GJC1: variants seen among roughly 807,000 people sequenced by gnomAD.
GJC1 encodes gap junction protein gamma 1.
GJC1 carries 5 observed loss-of-function variants against 29.3 expected under a neutral mutation model. The observed-to-expected ratio is 0.17, with a 90% CI of 0.09 to 0.36. GJC1 has a LOEUF of 0.36. GJC1 is among the 10% of genes least tolerant of loss of function. GJC1 has a pLI of 1.00. For synonymous variants in GJC1, 177 were observed against 183.3 expected (o/e 0.97, Z 0.28); for missense variants, 310 against 496.2 (o/e 0.62, Z 3.56).
chr17:44,796,868 G>T (rs552836934), downstream of GJC1, among the ~76,000 whole-genome samples: 9 of 151,994 alleles, frequency 5.9e-5, no homozygotes, highest in Admixed American at 5.2e-4. Context: ...GACAGACAGG[G>T]TCTCGCTCTT....
In GJC1 at chr17:44,798,681, TC is replaced by T. The variant is rs1597734924; in HGVS notation, c.*5945del. 1 of 152,244 alleles carries T rather than the reference TC, an allele frequency of 6.6e-6. No homozygotes were observed. Among genetic ancestry groups the T allele is most frequent in the Non-Finnish European group, 1.5e-5 (1 of 68,046 alleles). The allele number at this position is 152,244 out of a possible 1,614,324, so 9.4% of individuals were successfully genotyped here. ...ACCATTTAATTTTACATTTAAATTATCTTAAAAGGCTGGAAGTCCTAGCTAA... is the reference window on the plus strand; with the variant it reads ...ACCATTTAATTTTACATTTAAATTATTTAAAAGGCTGGAAGTCCTAGCTAA... On this transcript the variant is annotated 3_prime_UTR_variant, in exon 3 of 3. Coordinates refer to ENST00000592524, the MANE Select transcript of GJC1 (RefSeq NM_005497.4).
chr17:44,798,019 G>A (rs534073730), downstream of GJC1, among the ~76,000 whole-genome samples: 1 of 152,232 alleles, frequency 6.6e-6, no homozygotes, highest in South Asian at 2.1e-4. Context: ...TGCCGCAAAG[G>A]GTCCCTTGCA....
rs1285489454 is a variant in GJC1 at position 44,801,326 on chromosome 17, C to T, written c.*3301G>A. On this transcript the variant is annotated 3_prime_UTR_variant, in exon 3 of 3. Transcript: ENST00000592524. The stretch of plus-strand genomic sequence containing the variant: ...AAGGACACACCACATCTGCATAAAT[C>T]CAAGTGTGTTAAGGAACATAATCAT... 7 of 152,086 alleles carry T rather than the reference C, an allele frequency of 4.6e-5. No individual in the cohort carries two copies. The highest frequency in any genetic ancestry group is 8.8e-5 in the Non-Finnish European group (6 of 68,028). 9.4% of individuals were successfully genotyped at this position (152,086 alleles called of 1,614,324 possible). A position where few individuals can be genotyped will look rare whatever the true frequency, so the allele number is the denominator to read the frequency against.
At position 44,821,067 on chromosome 17, in the gene GJC1, T is replaced by C. The variant is rs142661862; in HGVS notation, c.-97+8995A>G. ...TTGAGATCTTGGCTGTATCAACCAATGAGGAAACAAAAAGCACCATTGTGG... is the reference window on the plus strand; with the variant it reads ...TTGAGATCTTGGCTGTATCAACCAACGAGGAAACAAAAAGCACCATTGTGG... On this transcript the variant is annotated intron_variant, in intron 1 of 2. Transcript: ENST00000592524. Among the ~76,000 whole-genome samples, 533 of 152,288 alleles carry C rather than the reference T, an allele frequency of 3.5e-3. 2 individuals are homozygous for C. Among genetic ancestry groups the C allele is most frequent in the African/African-American group, 0.012 (508 of 41,572 alleles).
In GJC1 at chr17:44,813,785, G is replaced by A. The variant is rs186816691; in HGVS notation, c.-96-6316C>T. ...TAAGATTACAGGCGTGAGTCACCACGCCCGGCCACAAGTTACCCATTCTTA... is the reference window on the plus strand; with the variant it reads ...TAAGATTACAGGCGTGAGTCACCACACCCGGCCACAAGTTACCCATTCTTA... On this transcript the variant is annotated intron_variant, in intron 1 of 2. Coordinates refer to ENST00000592524, the MANE Select transcript of GJC1 (RefSeq NM_005497.4). 3.6e-3 allele frequency among the ~76,000 whole-genome samples: 548 copies of A among 151,874 alleles called. 1 individual carries two copies. The highest frequency in any genetic ancestry group is 0.013 in the African/African-American group (533 of 41,396).
upstream of GJC1, among the ~76,000 whole-genome samples, chr17:44,831,346 G>C (rs954979167): frequency 6.6e-6 from 1 of 152,184 alleles, no homozygotes; most frequent in African/African-American, 2.4e-5. Context: ...CTTACTTTGA[G>C]CTTCTCTTTT....
At chr17:44,816,195 C>A (rs1490980731) in intron 1 of GJC1, among the ~76,000 whole-genome samples, 3 of 151,500 alleles carry the variant, frequency 2.0e-5, no homozygotes, top group Non-Finnish European at 4.4e-5. Context: ...CATGGTAGCC[C>A]ATAATTCAAA....
At chr17:44,821,697 C>CAAAAAAAAAAAAAAAAAAAAAA (rs61303163) in intron 1 of GJC1, among the ~76,000 whole-genome samples, 5 of 58,356 alleles carry the variant, frequency 8.6e-5, no homozygotes, top group South Asian at 7.6e-4. Context: ...AACTCCGTCT[C>CAAAAAAAAAAAAAAAAAAAAAA]AAAAAAAAAA....
Position 44,804,809 on chromosome 17 carries a change from C to G in GJC1, c.1009G>C (p.Ala337Pro). 6.2e-7 allele frequency: 1 copy of G among 1,614,214 alleles called. No individual in the cohort carries two copies. Among genetic ancestry groups the G allele is most frequent in the Non-Finnish European group, 8.5e-7 (1 of 1,180,032 alleles). Reference sequence around the variant, plus strand: ...GCCATCCTGATCTCCCGCTGCAGAGCCTCCAGGTCAGCTGGGAGGTTCTCC... The same window carrying G: ...GCCATCCTGATCTCCCGCTGCAGAGGCTCCAGGTCAGCTGGGAGGTTCTCC... Reference protein sequence around the residue: ...HEENLPADLEALQREIRMAQE... With the variant: ...HEENLPADLEPLQREIRMAQE... Residue 337 changes from alanine (A) to proline (P), a missense_variant, in exon 3 of 3, where the codon GCT becomes CCT. Transcript: ENST00000592524.
chr17:44,808,245 C>G (rs1597744162), intron 1 of GJC1, among the ~76,000 whole-genome samples: 1 of 150,956 alleles, frequency 6.6e-6, no homozygotes, highest in Non-Finnish European at 1.5e-5. Context: ...AAAACTGGAA[C>G]AATTTCCAAA....
rs909935213 is a variant in GJC1 at position 44,803,273 on chromosome 17, C to T, written c.*1354G>A. 1 of 152,182 alleles carries T rather than the reference C, an allele frequency of 6.6e-6. No individual in the cohort carries two copies. 9.4% of individuals were successfully genotyped at this position (152,182 alleles called of 1,614,324 possible). ...CCTTTAAACCTTTACCAAGCTCTTT[C>T]TCAGAAGCTCACAAAACTTAAGACA... On this transcript the variant is annotated 3_prime_UTR_variant, in exon 3 of 3. Coordinates refer to ENST00000592524, the MANE Select transcript of GJC1 (RefSeq NM_005497.4).
chr17:44,824,808 TAA>T (rs11462802), intron 1 of GJC1, among the ~76,000 whole-genome samples: 1,059 of 95,942 alleles, frequency 0.011, 18 homozygotes, highest in African/African-American at 0.038. Flanking sequence ...AAGACTGTCT[TAA>T]AAAAAAAAAA....
chr17:44,798,191 T>C (rs2049797142), downstream of GJC1, among the ~76,000 whole-genome samples: 1 of 152,144 alleles, frequency 6.6e-6, no homozygotes, highest in African/African-American at 2.4e-5. Flanking sequence ...CCAGAAGAGC[T>C]TCAAATCAGC....
At chr17:44,822,938 A>G (rs1033287775) in intron 1 of GJC1, among the ~76,000 whole-genome samples, 1 of 152,162 alleles carries the variant, frequency 6.6e-6, no homozygotes, top group East Asian at 1.9e-4. Context: ...ATCCAAATAA[A>G]CATCTACTCT....
At chr17:44,826,016 G>A (rs892815533) in intron 1 of GJC1, among the ~76,000 whole-genome samples, 2 of 152,002 alleles carry the variant, frequency 1.3e-5, no homozygotes, top group Non-Finnish European at 1.5e-5. Context: ...CACCTCCCAG[G>A]TTCAAGCCAT....
chr17:44,811,154 T>G (rs796559356), intron 1 of GJC1, among the ~76,000 whole-genome samples: 2 of 152,204 alleles, frequency 1.3e-5, no homozygotes, highest in South Asian at 4.1e-4. Context: ...CGATCTCAGC[T>G]CACTGCAACC....
intron 1 of GJC1, among the ~76,000 whole-genome samples, chr17:44,820,876 T>A (rs1486185142): frequency 6.6e-6 from 1 of 152,228 alleles, no homozygotes; most frequent in Non-Finnish European, 1.5e-5. Flanking sequence ...CTCGTGACAA[T>A]TTCTAAGCAA....
At position 44,800,776 on chromosome 17, in the gene GJC1, G is replaced by A. The variant is rs913246348; in HGVS notation, c.*3851C>T. 3 of 151,918 alleles carry A rather than the reference G, an allele frequency of 2.0e-5. No individual in the cohort carries two copies. Among genetic ancestry groups the A allele is most frequent in the African/African-American group, 7.3e-5 (3 of 41,346 alleles). The allele number at this position is 151,918 out of a possible 1,614,324, so 9.4% of individuals were successfully genotyped here. A position where few individuals can be genotyped will look rare whatever the true frequency, so the allele number is the denominator to read the frequency against. The stretch of plus-strand genomic sequence containing the variant: ...AAACAAGTGACCAATAATAATGGTT[G>A]GTCCTTGAAGGTCTTTTACCAGAGG... On this transcript the variant is annotated 3_prime_UTR_variant, in exon 3 of 3. Transcript: ENST00000592524.
At position 44,805,016 on chromosome 17, in the gene GJC1, C is replaced by A; in HGVS notation, c.802G>T (p.Glu268Ter). 1 of 1,614,016 alleles carries A rather than the reference C, an allele frequency of 6.2e-7. No individual in the cohort carries two copies. Among genetic ancestry groups the A allele is most frequent in the Non-Finnish European group, 8.5e-7 (1 of 1,180,016 alleles). Residue 268 changes from glutamate (E) to a stop codon, truncating the protein, a stop_gained, in exon 3 of 3, where the codon GAA becomes TAA. Transcript: ENST00000592524. LOFTEE classifies it high-confidence loss of function. This position sits in a 1 kb window ranked among gnomAD's most constrained non-coding sequence, Gnocchi z 5.1. ...IRDSLNSKRR[E>*]LEDPGAYNYP... ...TTATAAGCACCCGGATCCTCAAGTT[C>A]CCTCCTTTTACTGTTTAGTGAGTCT...
Sources: allele counts gnomAD v4.1 joint callset (sites outside exome capture counted in the v4.1 genomes callset), GRCh38; gene constraint gnomAD v4.1.1; non-coding constraint Gnocchi (gnomAD v3.1); transcripts MANE v1.5; gene names NCBI Gene and HGNC (gene_info 2026-07-23, HGNC 2026-07-21).